Variants in FGFR2 observed in about 807,000 individuals in gnomAD.
FGFR2 encodes fibroblast growth factor receptor 2, also known as BEK fibroblast growth factor receptor.
A neutral mutation model predicts 95.9 loss-of-function variants in FGFR2; 19 were observed. That is an observed-to-expected ratio of 0.20 (90% CI 0.14 to 0.29). FGFR2 has a LOEUF of 0.29. FGFR2 is among the 10% of genes least tolerant of loss of function. FGFR2 has a pLI of 1.00. For missense variants in FGFR2, 707 were observed against 1,056.9 expected (o/e 0.67, Z 4.59); for synonymous variants, 392 against 393.3 (o/e 1.00, Z 0.04).
chr10:121,540,887 T>C (rs890461891), intron 5 of FGFR2, among the ~76,000 whole-genome samples: 1 of 152,152 alleles, frequency 6.6e-6, no homozygotes, highest in Non-Finnish European at 1.5e-5. Flanking sequence ...ACATGGAGTA[T>C]TCCAAATGGA....
At chr10:121,574,493 C>T (rs1859383854) in intron 2 of FGFR2, among the ~76,000 whole-genome samples, 1 of 152,090 alleles carries the variant, frequency 6.6e-6, no homozygotes, top group Non-Finnish European at 1.5e-5. Flanking sequence ...CGCACCACTG[C>T]ACTCCAGCCT....
At chr10:121,559,759 C>A (rs1856685305) in intron 4 of FGFR2, among the ~76,000 whole-genome samples, 1 of 152,248 alleles carries the variant, frequency 6.6e-6, no homozygotes, top group Non-Finnish European at 1.5e-5. Flanking sequence ...TGGCATTCAT[C>A]ACATGGGTGC....
intron 15 of FGFR2, among the ~76,000 whole-genome samples, chr10:121,487,147 C>A (rs1365278728): frequency 6.6e-6 from 1 of 152,232 alleles, no homozygotes; most frequent in African/African-American, 2.4e-5. Flanking sequence ...GCAGTTCCAC[C>A]TTCTGTGCTC....
At chr10:121,566,029 T>G in intron 2 of FGFR2, 1 of 430,574 alleles carries the variant, frequency 2.3e-6, no homozygotes, top group Non-Finnish European at 4.3e-6. Context: ...TGCACTGTAA[T>G]ACCTGCAAAA....
At chr10:121,563,406 C>T (rs754485251) in intron 4 of FGFR2, among the ~76,000 whole-genome samples, 7 of 151,880 alleles carry the variant, frequency 4.6e-5, no homozygotes, top group African/African-American at 9.7e-5. Flanking sequence ...ATAAATTAGC[C>T]GGGTGTGGTA....
chr10:121,491,499 C>T (rs951514559), intron 13 of FGFR2, among the ~76,000 whole-genome samples: 1 of 152,132 alleles, frequency 6.6e-6, no homozygotes, highest in Non-Finnish European at 1.5e-5. Context: ...TGGCTGATGA[C>T]ATCGAATTCC....
At chr10:121,577,178 T>TAGAGAGAGAGAGAGAG (rs1169688456) in intron 2 of FGFR2, among the ~76,000 whole-genome samples, 160 of 5,214 alleles carry the variant, frequency 0.031, 10 homozygotes, top group Admixed American at 0.034. Flanking sequence ...TATATATATA[T>TAGAGAGAGAGAGAGAG]AGAGAGAGAG....
At chr10:121,594,843 G>T (rs1863198047) in intron 1 of FGFR2, among the ~76,000 whole-genome samples, 1 of 152,168 alleles carries the variant, frequency 6.6e-6, no homozygotes, top group African/African-American at 2.4e-5. Context: ...TATAGTCATG[G>T]TATGTGATTG....
At chr10:121,502,174 C>T (rs992852003) in intron 10 of FGFR2, among the ~76,000 whole-genome samples, 1 of 152,176 alleles carries the variant, frequency 6.6e-6, no homozygotes, top group African/African-American at 2.4e-5. Context: ...AATATGATCA[C>T]AACTCCCCAG....
At chr10:121,489,584 T>A (rs1845869396) in intron 13 of FGFR2, among the ~76,000 whole-genome samples, 1 of 152,210 alleles carries the variant, frequency 6.6e-6, no homozygotes, top group South Asian at 2.1e-4. Flanking sequence ...ATGACCTCCC[T>A]CCTGAGACCC....
intron 5 of FGFR2, among the ~76,000 whole-genome samples, chr10:121,541,051 G>T (rs574028592): frequency 6.6e-6 from 1 of 152,108 alleles, no homozygotes; most frequent in Non-Finnish European, 1.5e-5. Flanking sequence ...TTCCATACAA[G>T]ATCCCTCTTC....
Position 121,520,922 on chromosome 10 carries a change from C to T in FGFR2, c.749-753G>A, listed in dbSNP as rs926115237. Reference sequence around the variant, plus strand: ...CCTCCCAAATTGCTGGGATTACAGACGTGAGCCACCACGCTCGGCTCCAGT... The same window carrying T: ...CCTCCCAAATTGCTGGGATTACAGATGTGAGCCACCACGCTCGGCTCCAGT... On this transcript the variant is annotated intron_variant, in intron 6 of 17. Transcript: ENST00000358487. Among the ~76,000 whole-genome samples the T allele has an allele frequency of 2.6e-4, 40 of 152,240 alleles. 3 individuals carry two copies. Among genetic ancestry groups the T allele is most frequent in the Admixed American group, 1.9e-3 (29 of 15,286 alleles).
chr10:121,576,375 G>A (rs751412014), intron 2 of FGFR2, among the ~76,000 whole-genome samples: 6 of 152,120 alleles, frequency 3.9e-5, no homozygotes, highest in Non-Finnish European at 7.4e-5. Context: ...AGCCCAGCCC[G>A]AGCCTCCTAC....
rs1170876452 is a variant in FGFR2 at position 121,531,186 on chromosome 10, A to G, written c.748+7406T>C. The G allele has an allele frequency of 6.6e-6, 1 of 152,204 alleles. No individual in the cohort carries two copies. Among genetic ancestry groups the G allele is most frequent in the Admixed American group, 6.5e-5 (1 of 15,290 alleles). 9.4% of individuals were successfully genotyped at this position (152,204 alleles called of 1,614,324 possible). ...CAGAGAATGTGACAAAAAAGCTGACATCGCAGAGTTCTACCATGCCCCATC... is the reference window on the plus strand; with the variant it reads ...CAGAGAATGTGACAAAAAAGCTGACGTCGCAGAGTTCTACCATGCCCCATC... On this transcript the variant is annotated intron_variant, in intron 6 of 17. Coordinates refer to ENST00000358487, the MANE Select transcript of FGFR2 (RefSeq NM_000141.5). This position sits in a 1 kb window ranked among gnomAD's most constrained non-coding sequence, Gnocchi z 4.5.
At chr10:121,524,663 G>A (rs1425386812) in intron 6 of FGFR2, among the ~76,000 whole-genome samples, 5 of 152,198 alleles carry the variant, frequency 3.3e-5, no homozygotes, top group African/African-American at 4.8e-5. Context: ...ACAGCGCCTG[G>A]ACTCCTTTCC....
intron 1 of FGFR2, among the ~76,000 whole-genome samples, chr10:121,597,398 C>T (rs1018020068): frequency 6.6e-6 from 1 of 152,204 alleles, no homozygotes; most frequent in Non-Finnish European, 1.5e-5. Context: ...CCGACGGCGG[C>T]TGCGGGCGAG....
intron 1 of FGFR2, 103 bp from the exon 2 acceptor site, chr10:121,594,070 C>T (rs1372670398): frequency 1.2e-5 from 7 of 585,582 alleles, no homozygotes; most frequent in Non-Finnish European, 3.1e-6. Flanking sequence ...TGTGCGCAAA[C>T]AGAGTTCTTT....
At position 121,482,154 on chromosome 10, in the gene FGFR2, C is replaced by T. The variant is rs375710806; in HGVS notation, c.2301+1544G>A. The T allele has an allele frequency of 6.2e-6, 10 of 1,612,204 alleles. No individual in the cohort carries two copies. In the African/African-American group the frequency reaches 1.1e-4, roughly 17 times the overall value. On this transcript the variant is annotated intron_variant, in intron 17 of 17. Coordinates refer to ENST00000358487, the MANE Select transcript of FGFR2 (RefSeq NM_000141.5). Reference sequence around the variant, plus strand: ...GCCTGACCAACTTTTCCCAGTTTCTCAATGAAGCCATAAACTTTCAGATCT... The same window carrying T: ...GCCTGACCAACTTTTCCCAGTTTCTTAATGAAGCCATAAACTTTCAGATCT...
chr10:121,500,338 G>C (rs1847436585), intron 11 of FGFR2, among the ~76,000 whole-genome samples: 1 of 152,098 alleles, frequency 6.6e-6, no homozygotes, highest in Admixed American at 6.6e-5. Flanking sequence ...GCTTCTAAGT[G>C]ACTCTCCCAG....
Sources: allele counts gnomAD v4.1 joint callset (sites outside exome capture counted in the v4.1 genomes callset), GRCh38; gene constraint gnomAD v4.1.1; non-coding constraint Gnocchi (gnomAD v3.1); transcripts MANE v1.5; gene names NCBI Gene and HGNC (gene_info 2026-07-23, HGNC 2026-07-21).